The following FRMD8 variants were observed in gnomAD, a reference collection of about 807,000 sequenced individuals.
The protein encoded by FRMD8 is FERM domain containing 8.
In FRMD8, 37 loss-of-function variants were observed where a neutral mutation model predicts 54.2. That is an observed-to-expected ratio of 0.68 (90% CI 0.53 to 0.90). FRMD8 has a LOEUF of 0.90. Ranked by LOEUF, FRMD8 falls within the 40% of genes least tolerant of loss-of-function variation. FRMD8 has a pLI of 0.00. For missense variants in FRMD8, 585 were observed against 653.7 expected (o/e 0.89, Z 1.15); for synonymous variants, 246 against 286.9 (o/e 0.86, Z 1.44).
At position 65,389,356 on chromosome 11, in the gene FRMD8, C is replaced by A. The variant is rs374358840; in HGVS notation, c.86-5C>A. 16 of 1,609,328 alleles carry A rather than the reference C, an allele frequency of 9.9e-6. No individual in the cohort carries two copies. Among genetic ancestry groups the A allele is most frequent in the Non-Finnish European group, 1.2e-5 (14 of 1,179,966 alleles). On this transcript the variant is annotated splice_polypyrimidine_tract_variant and splice_region_variant and intron_variant, in intron 2 of 10. Coordinates refer to ENST00000317568, the MANE Select transcript of FRMD8 (RefSeq NM_031904.5). ...TCAGCTGAGCCTGCCTGGTCTCCATCACAGCGGCTGACGTGCTGGTATACC... is the reference window on the plus strand; with the variant it reads ...TCAGCTGAGCCTGCCTGGTCTCCATAACAGCGGCTGACGTGCTGGTATACC...
chr11:65,397,350 C>T (rs1008293816), intron 7 of FRMD8, among the ~76,000 whole-genome samples: 6 of 152,208 alleles, frequency 3.9e-5, no homozygotes, highest in South Asian at 4.1e-4. Flanking sequence ...ACTGCACGCA[C>T]GCTCCCTGGG....
chr11:65,403,894 C>G (rs1009849322), intron 9 of FRMD8, among the ~76,000 whole-genome samples: 1 of 152,212 alleles, frequency 6.6e-6, no homozygotes, highest in African/African-American at 2.4e-5. Flanking sequence ...TGGTTGCACT[C>G]AGGACTCTGT....
At chr11:65,407,930 GC>G (rs1856240969) in intron 10 of FRMD8, among the ~76,000 whole-genome samples, 1 of 151,278 alleles carries the variant, frequency 6.6e-6, no homozygotes, top group South Asian at 2.1e-4. Flanking sequence ...CATGTGTGCA[GC>G]CATGCGCATG....
rs759320847 is a variant in FRMD8, at chr11:65,387,056, G to C, written c.20G>C (p.Ser7Thr). Reference sequence around the variant, plus strand: ...TTGCAGATGGACGGGACAGAAGGCAGTGCCGGGCAGCCCGGCCCCGCTGAG... The same window carrying C: ...TTGCAGATGGACGGGACAGAAGGCACTGCCGGGCAGCCCGGCCCCGCTGAG... MDGTEG[S>T]AGQPGPAERS... The change falls in exon 2 of 11, where the codon AGT becomes ACT. Residue 7 changes from serine (S) to threonine (T), a missense_variant. Coordinates refer to ENST00000317568, the MANE Select transcript of FRMD8 (RefSeq NM_031904.5). The C allele has an allele frequency of 6.2e-7, 1 of 1,609,340 alleles. No individual in the cohort carries two copies. The highest frequency in any genetic ancestry group is 8.5e-7 in the Non-Finnish European group (1 of 1,179,972).
intron 7 of FRMD8, among the ~76,000 whole-genome samples, chr11:65,397,789 G>A (rs1157001811): frequency 6.6e-6 from 1 of 152,078 alleles, no homozygotes; most frequent in East Asian, 1.9e-4. Flanking sequence ...GTGGCTCACT[G>A]CAGGCTCGAC....
rs749703966 is a variant in FRMD8 at position 65,396,962 on chromosome 11, G to A, written c.745G>A (p.Ala249Thr). ...EVSSDGGCEA[A>T]LGTHYRAYLL... ...CAGCAGCGACGGCGGGTGCGAGGCCGCCCTGGGCACCCACTACCGCGCCTA... is the reference window on the plus strand; with the variant it reads ...CAGCAGCGACGGCGGGTGCGAGGCCACCCTGGGCACCCACTACCGCGCCTA... Residue 249 changes from alanine to threonine, a missense_variant, in exon 7 of 11, where the codon GCC becomes ACC. Coordinates refer to ENST00000317568, the MANE Select transcript of FRMD8 (RefSeq NM_031904.5). 5 of 1,509,704 alleles carry A rather than the reference G, an allele frequency of 3.3e-6. No individual in the cohort carries two copies. The highest frequency in any genetic ancestry group is 5.2e-5 in the East Asian group (2 of 38,220). 93.5% of individuals were successfully genotyped at this position (1,509,704 alleles called of 1,614,324 possible).
At chr11:65,384,642 T>G (rs1590643076), upstream of FRMD8, among the ~76,000 whole-genome samples, 1 of 152,228 alleles carries the variant, frequency 6.6e-6, no homozygotes, top group Admixed American at 6.5e-5. Context: ...ACACAGCAAG[T>G]GAGCAGAGAC....
chr11:65,405,176 GAGCTGGCCTCCATCTC>G, intron 10 of FRMD8, 108 bp downstream of exon 10: 1 of 1,097,030 alleles, frequency 9.1e-7, no homozygotes, highest in Non-Finnish European at 1.3e-6. Flanking sequence ...GACCCAGTGT[GAGCTGGCCTCCATCTC>G]AGGACACAGC....
intron 9 of FRMD8, among the ~76,000 whole-genome samples, chr11:65,403,482 C>CT (rs1327344505): frequency 6.6e-6 from 1 of 152,260 alleles, no homozygotes; most frequent in Admixed American, 6.5e-5. Context: ...GGCACCTGGC[C>CT]TGGCCTGGGA....
intron 7 of FRMD8, among the ~76,000 whole-genome samples, chr11:65,398,432 C>T (rs187942298): frequency 6.6e-6 from 1 of 152,332 alleles, no homozygotes; most frequent in East Asian, 1.9e-4. Flanking sequence ...ATGGATGGCA[C>T]CTGAAGCCTG....
At chr11:65,394,147 C>T in intron 5 of FRMD8, 48 bp downstream of exon 5, 3 of 1,607,864 alleles carry the variant, frequency 1.9e-6, no homozygotes, top group Non-Finnish European at 2.6e-6. Context: ...CCCTTGTGCC[C>T]AGCCTCCCTG....
rs1240865322 is a variant in FRMD8, at chr11:65,400,789, G to A, written c.993G>A (p.Glu331=). 3 of 1,612,706 alleles carry A rather than the reference G, an allele frequency of 1.9e-6. No individual in the cohort carries two copies. Among genetic ancestry groups the A allele is most frequent in the African/African-American group, 1.3e-5 (1 of 74,882 alleles). The change falls in exon 9 of 11, where the codon GAG becomes GAA. Residue 331 remains glutamate (E), a synonymous_variant. Transcript: ENST00000317568. The surrounding 1 kb of genome is among the most constrained non-coding windows in gnomAD (Gnocchi z 4.3). ...ACCACACCTCCCCCGAGGAGGAGGA[G>A]CCCATCTTGTGGCTGGAGTTCGACG... ...SWDHTSPEEE[E]PILWLEFDGD... is the part of the protein sequence containing the mutation.
chr11:65,379,530 G>C, the FRMD8 span: 1 of 1,612,248 alleles, frequency 6.2e-7, no homozygotes, highest in Admixed American at 1.7e-5. Context: ...GCTGGCAATG[G>C]GGAAGCTCAT....
intron 3 of FRMD8, among the ~76,000 whole-genome samples, chr11:65,391,970 C>CT (rs1169858806): frequency 6.6e-6 from 1 of 152,224 alleles, no homozygotes; most frequent in African/African-American, 2.4e-5. Flanking sequence ...TCCTCCAGCC[C>CT]TTTGAGTTCC....
At chr11:65,406,278 T>C (rs1856195014) in intron 10 of FRMD8, among the ~76,000 whole-genome samples, 1 of 150,948 alleles carries the variant, frequency 6.6e-6, no homozygotes, top group Non-Finnish European at 1.5e-5. Context: ...CACTGCAAGC[T>C]CCACCTCCTG....
intron 6 of FRMD8, 97 bp from the exon 7 acceptor site, chr11:65,396,702 T>C (rs1419182338): frequency 1.4e-5 from 10 of 713,810 alleles, no homozygotes; most frequent in Non-Finnish European, 1.7e-5. Flanking sequence ...AGTAGATGTG[T>C]GTCTGCTTCC....
At chr11:65,385,194 G>C (rs1188152428), upstream of FRMD8, among the ~76,000 whole-genome samples, 1 of 152,156 alleles carries the variant, frequency 6.6e-6, no homozygotes, top group African/African-American at 2.4e-5. Context: ...AGAGGCCATG[G>C]AGATACAGTG....
At position 65,405,989 on chromosome 11, in the gene FRMD8, C is replaced by T. The variant is rs1030541989; in HGVS notation, c.1276+921C>T. ...CACTGCACTCCAGCCTGGGTGACAACGATGAGACCCTATATATATATATTT... is the reference window on the plus strand; with the variant it reads ...CACTGCACTCCAGCCTGGGTGACAATGATGAGACCCTATATATATATATTT... On this transcript the variant is annotated intron_variant, in intron 10 of 10. Transcript: ENST00000317568. Among the ~76,000 whole-genome samples the T allele has an allele frequency of 5.3e-5, 8 of 151,620 alleles. No homozygotes were observed. In the South Asian group the frequency reaches 1.0e-3, roughly 20 times the overall value.
At chr11:65,399,981 C>T (rs1565607083) in intron 8 of FRMD8, 122 bp downstream of exon 8, 3 of 1,206,166 alleles carry the variant, frequency 2.5e-6, no homozygotes, top group Non-Finnish European at 3.4e-6. Context: ...TGGGAGGGAC[C>T]CTGCCTCCGT....
Sources: allele counts gnomAD v4.1 joint callset (sites outside exome capture counted in the v4.1 genomes callset), GRCh38; gene constraint gnomAD v4.1.1; non-coding constraint Gnocchi (gnomAD v3.1); transcripts MANE v1.5; gene names NCBI Gene and HGNC (gene_info 2026-07-23, HGNC 2026-07-21).